Variants in URB1 observed in about 807,000 individuals in gnomAD.
The protein encoded by URB1 is URB1 ribosome biogenesis factor.
Under a neutral mutation model 242.3 loss-of-function variants are expected in URB1, and 197 were observed. The ratio of observed to expected loss-of-function variants is 0.81; its 90% CI spans 0.72 to 0.91. URB1 has a LOEUF of 0.91. Among genes scored for constraint, URB1 ranks in the 40% least tolerant of loss-of-function variants. URB1 has a pLI of 0.00. For synonymous variants in URB1, 1,153 were observed against 1,201.8 expected (o/e 0.96, Z 0.84); for missense variants, 2,721 against 2,860.5 (o/e 0.95, Z 1.11).
chr21:32,374,293 C>T (rs921884984), intron 6 of URB1, among the ~76,000 whole-genome samples: 3 of 152,174 alleles, frequency 2.0e-5, no homozygotes, highest in Admixed American at 6.5e-5. Context: ...ACACTGGTTC[C>T]TGCAAGTAGA....
Position 32,313,021 on chromosome 21 carries a change from T to A in URB1, c.*1897A>T, listed in dbSNP as rs758232474. On this transcript the variant is annotated 3_prime_UTR_variant, in exon 39 of 39. Transcript: ENST00000382751. ...AAGGGAGAACAAAGAAAAGCAAGAC[T>A]GATGAGCTCCAGAGATGCAGAAAAG... 2 of 152,240 alleles carry A rather than the reference T, an allele frequency of 1.3e-5. No homozygotes were observed. Among genetic ancestry groups the A allele is most frequent in the Non-Finnish European group, 2.9e-5 (2 of 68,054 alleles). The allele number at this position is 152,240 out of a possible 1,614,324, so 9.4% of individuals were successfully genotyped here.
Position 32,325,401 on chromosome 21 carries a change from G to T in URB1, c.4961-12C>A. On this transcript the variant is annotated splice_polypyrimidine_tract_variant and intron_variant, in intron 30 of 38. Coordinates refer to ENST00000382751, the MANE Select transcript of URB1 (RefSeq NM_014825.3). ...ATCCACCACAAACTCTGCAGGAAAT[G>T]AAATACAGCATGAAACACACACAAT... 6.5e-7 allele frequency: 1 copy of T among 1,545,854 alleles called. No homozygotes were observed. The highest frequency in any genetic ancestry group is 8.8e-7 in the Non-Finnish European group (1 of 1,142,168).
chr21:32,385,793 T>C (rs906175426), intron 1 of URB1, 109 bp from the exon 2 acceptor site: 2 of 1,349,082 alleles, frequency 1.5e-6, no homozygotes, highest in African/African-American at 1.5e-5. Flanking sequence ...CCGATCCACC[T>C]ACACTGCACA....
chr21:32,319,524 T>G, intron 35 of URB1, 110 bp from the exon 36 acceptor site: 1 of 1,154,792 alleles, frequency 8.7e-7, no homozygotes, highest in East Asian at 3.0e-5. Context: ...AAGCATAGTC[T>G]CCAAGTAAAA....
At chr21:32,367,467 G>A (rs1568827269) in intron 9 of URB1, among the ~76,000 whole-genome samples, 1 of 152,184 alleles carries the variant, frequency 6.6e-6, no homozygotes, top group Non-Finnish European at 1.5e-5. Context: ...ATAAAAGCTG[G>A]TTTTATAGAT....
intron 28 of URB1, among the ~76,000 whole-genome samples, chr21:32,334,861 C>T (rs1000185628): frequency 3.9e-5 from 6 of 152,162 alleles, no homozygotes; most frequent in East Asian, 3.9e-4. Context: ...ACAAGCCTTT[C>T]GGCTAAGCCC....
chr21:32,392,143 T>C (rs1937591296), intron 1 of URB1, among the ~76,000 whole-genome samples: 1 of 152,248 alleles, frequency 6.6e-6, no homozygotes, highest in Admixed American at 6.5e-5. Flanking sequence ...TGCTTCCACA[T>C]GGCAACACGT....
intron 21 of URB1, among the ~76,000 whole-genome samples, chr21:32,348,758 A>G (rs1392357396): frequency 6.6e-6 from 1 of 152,158 alleles, no homozygotes; most frequent in Non-Finnish European, 1.5e-5. Flanking sequence ...CCAAGAAAAT[A>G]CCTCCCAGAA....
At chr21:32,380,388 A>C (rs1366066485) in intron 4 of URB1, among the ~76,000 whole-genome samples, 8 of 152,214 alleles carry the variant, frequency 5.3e-5, no homozygotes, top group African/African-American at 1.9e-4. Flanking sequence ...TGAGACCTTC[A>C]AACTATCCTC....
At chr21:32,344,202 A>G (rs2033060423) in intron 24 of URB1, among the ~76,000 whole-genome samples, 1 of 152,240 alleles carries the variant, frequency 6.6e-6, no homozygotes, top group African/African-American at 2.4e-5. Context: ...ATATATAAAA[A>G]TAACACATCA....
chr21:32,386,665 T>C (rs755000494), intron 1 of URB1, among the ~76,000 whole-genome samples: 3 of 152,162 alleles, frequency 2.0e-5, no homozygotes, highest in Non-Finnish European at 2.9e-5. Context: ...CCCTCAACTG[T>C]AGAATGGGTA....
At chr21:32,378,701 T>C (rs1277387204) in intron 4 of URB1, among the ~76,000 whole-genome samples, 160 bp from the exon 5 acceptor site, 1 of 152,210 alleles carries the variant, frequency 6.6e-6, no homozygotes, top group Non-Finnish European at 1.5e-5. Flanking sequence ...CCAATGCTCA[T>C]TCTCCATGGA....
At chr21:32,317,214 T>A in intron 37 of URB1, 149 bp from the exon 38 acceptor site, 1 of 1,107,876 alleles carries the variant, frequency 9.0e-7, no homozygotes, top group Non-Finnish European at 1.2e-6. Flanking sequence ...GCCTGGTGAG[T>A]GCTCGATGTT....
intron 25 of URB1, among the ~76,000 whole-genome samples, 185 bp downstream of exon 25, chr21:32,341,278 CTCA>C (rs1295545764): frequency 2.6e-5 from 4 of 152,182 alleles, no homozygotes; most frequent in African/African-American, 9.7e-5. Flanking sequence ...GACTGCTTCT[CTCA>C]TCATCAGAAG....
Position 32,377,677 on chromosome 21 carries a change from C to T in URB1, c.664+768G>A, listed in dbSNP as rs192008587. ...CGCCACCTGCACTCTCCTCCTAAATCGTCCCGGCAGTCACGTTCCAGGGGC... is the reference window on the plus strand; with the variant it reads ...CGCCACCTGCACTCTCCTCCTAAATTGTCCCGGCAGTCACGTTCCAGGGGC... On this transcript the variant is annotated intron_variant, in intron 5 of 38. Transcript: ENST00000382751. Among the ~76,000 whole-genome samples the T allele has an allele frequency of 1.6e-4, 24 of 152,268 alleles. No homozygotes were observed. In the East Asian group the frequency reaches 2.3e-3, roughly 15 times the overall value.
intron 23 of URB1, 57 bp from the exon 24 acceptor site, chr21:32,344,813 A>G: frequency 2.0e-6 from 3 of 1,503,868 alleles, no homozygotes; most frequent in South Asian, 1.3e-5. Flanking sequence ...TTCTGACTTT[A>G]CGTATAATCC....
At chr21:32,319,141 C>T (rs1375098479) in intron 36 of URB1, 76 bp downstream of exon 36, 1 of 1,414,844 alleles carries the variant, frequency 7.1e-7, no homozygotes, top group African/African-American at 1.5e-5. Flanking sequence ...ATGACTGAGA[C>T]ATGGTGTCCA....
At chr21:32,375,236 A>T (rs1177665658) in intron 6 of URB1, among the ~76,000 whole-genome samples, 162 bp downstream of exon 6, 1 of 152,210 alleles carries the variant, frequency 6.6e-6, no homozygotes, top group Admixed American at 6.5e-5. Flanking sequence ...TATGCTCATC[A>T]ACAAGAACAA....
chr21:32,311,415 A>ACCCCCCCC lies in URB1; in HGVS notation c.*3495_*3502dup, dbSNP rs545361408. 4.2e-5 allele frequency: 5 copies of ACCCCCCCC among 118,030 alleles called. No homozygotes were observed. Among genetic ancestry groups the ACCCCCCCC allele is most frequent in the Non-Finnish European group, 6.6e-5 (4 of 60,294 alleles). 7.3% of individuals were successfully genotyped at this position (118,030 alleles called of 1,614,324 possible). A position where few individuals can be genotyped will look rare whatever the true frequency, so the allele number is the denominator to read the frequency against. Reference sequence around the variant, plus strand: ...GTCAACCTGCTCCCCTCCACCCCCCACCCCCCCCATCCTAAATCAATGTAG... The same window carrying ACCCCCCCC: ...GTCAACCTGCTCCCCTCCACCCCCCACCCCCCCCCCCCCCCCATCCTAAATCAATGTAG... On this transcript the variant is annotated 3_prime_UTR_variant, in exon 39 of 39. Transcript: ENST00000382751.
Sources: allele counts gnomAD v4.1 joint callset (sites outside exome capture counted in the v4.1 genomes callset), GRCh38; gene constraint gnomAD v4.1.1; transcripts MANE v1.5; gene names NCBI Gene and HGNC (gene_info 2026-07-23, HGNC 2026-07-21).